TAF2: variants seen among roughly 807,000 people sequenced by gnomAD.
TAF2 encodes transcription initiation factor TFIID subunit 2.
Under a neutral mutation model 138.5 loss-of-function variants are expected in TAF2, and 61 were observed. That is an observed-to-expected ratio of 0.44 (90% CI 0.36 to 0.54). TAF2 has a LOEUF of 0.54. TAF2 is among the 20% of genes least tolerant of loss of function. The pLI is 0.00. For synonymous variants in TAF2, 475 were observed against 469.9 expected, an observed-to-expected ratio of 1.01 and a Z score of -0.14; for missense variants, 1,090 against 1,427.9, an observed-to-expected ratio of 0.76 and a Z score of 3.81.
At chr8:119,788,196 C>T (rs1823160574) in intron 14 of TAF2, 142 bp downstream of exon 14, 1 of 696,488 alleles carries the variant, frequency 1.4e-6, no homozygotes, top group Admixed American at 2.2e-5. Context: ...ATGTAACAAA[C>T]CTGCATGTTC....
intron 17 of TAF2, 115 bp downstream of exon 17, chr8:119,780,934 CAAAA>C (rs374156089): frequency 3.2e-3 from 2,265 of 714,110 alleles, no homozygotes; most frequent in East Asian, 4.2e-3. Flanking sequence ...GACTCTGTCT[CAAAA>C]AAAAAAAAAA....
intron 18 of TAF2, among the ~76,000 whole-genome samples, chr8:119,775,277 C>G (rs1822144460): frequency 1.1e-5 from 1 of 87,870 alleles, no homozygotes; most frequent in South Asian, 2.9e-4. Flanking sequence ...AAGATTCCAT[C>G]TCAAAAAAAA....
chr8:119,790,116 A>C (rs928639558), intron 11 of TAF2, among the ~76,000 whole-genome samples: 3 of 152,120 alleles, frequency 2.0e-5, no homozygotes, highest in Non-Finnish European at 4.4e-5. Flanking sequence ...CTCTTTATGG[A>C]CCATCTCTCT....
chr8:119,763,596 G>A (rs1358136247), intron 18 of TAF2, among the ~76,000 whole-genome samples: 1 of 152,044 alleles, frequency 6.6e-6, no homozygotes, highest in Non-Finnish European at 1.5e-5. Flanking sequence ...CAGGTGTGGT[G>A]GCAGGCGCCT....
intron 18 of TAF2, among the ~76,000 whole-genome samples, chr8:119,765,135 TC>T (rs112989232): frequency 3.9e-5 from 6 of 152,204 alleles, no homozygotes; most frequent in African/African-American, 1.4e-4. Flanking sequence ...ATTAAATACT[TC>T]CTAAATAGTA....
At chr8:119,816,002 A>T (rs1338954584) in intron 3 of TAF2, among the ~76,000 whole-genome samples, 1 of 150,366 alleles carries the variant, frequency 6.7e-6, no homozygotes, top group Non-Finnish European at 1.5e-5. Flanking sequence ...TTTTCCTTAT[A>T]TTCCTCTACA....
At chr8:119,785,875 C>T (rs954281324) in intron 14 of TAF2, among the ~76,000 whole-genome samples, 3 of 152,084 alleles carry the variant, frequency 2.0e-5, no homozygotes, top group African/African-American at 7.2e-5. Context: ...TCTGTTATTA[C>T]AGAGAAAAAA....
chr8:119,794,089 T>C (rs1025808076), intron 9 of TAF2, among the ~76,000 whole-genome samples: 4 of 151,878 alleles, frequency 2.6e-5, no homozygotes, highest in African/African-American at 4.8e-5. Flanking sequence ...CGTGCCTGGT[T>C]AATTAAAAGA....
intron 18 of TAF2, among the ~76,000 whole-genome samples, chr8:119,776,599 G>C (rs1217670329): frequency 1.3e-5 from 2 of 151,738 alleles, no homozygotes; most frequent in Non-Finnish European, 2.9e-5. Context: ...TGAGGTAGGA[G>C]AATGGCGTAA....
chr8:119,829,541 G>GTA (rs1238385567), intron 2 of TAF2, among the ~76,000 whole-genome samples: 3 of 151,840 alleles, frequency 2.0e-5, no homozygotes, highest in African/African-American at 4.8e-5. Context: ...GAGTGTGTGT[G>GTA]TATATATATG....
intron 25 of TAF2, among the ~76,000 whole-genome samples, chr8:119,732,484 A>G (rs989158762): frequency 1.3e-5 from 2 of 152,178 alleles, no homozygotes; most frequent in Non-Finnish European, 1.5e-5. Flanking sequence ...TGAAAAAACA[A>G]TATTACACAC....
intron 25 of TAF2, among the ~76,000 whole-genome samples, chr8:119,737,957 T>C (rs180825103): frequency 1.6e-4 from 24 of 152,264 alleles, no homozygotes; most frequent in Admixed American, 5.9e-4. Flanking sequence ...AATATGTTAA[T>C]TGGCAGTAAC....
At chr8:119,760,054 C>T (rs959553604) in intron 20 of TAF2, among the ~76,000 whole-genome samples, 3 of 152,002 alleles carry the variant, frequency 2.0e-5, no homozygotes, top group Non-Finnish European at 4.4e-5. Context: ...TCTGTTGTTT[C>T]TTGGATTACA....
At chr8:119,817,738 ATT>A (rs1171512247) in intron 3 of TAF2, among the ~76,000 whole-genome samples, 1 of 152,204 alleles carries the variant, frequency 6.6e-6, no homozygotes, top group African/African-American at 2.4e-5. Context: ...ATCTTACCCT[ATT>A]ATCAAATGCA....
chr8:119,788,277 C>G, intron 14 of TAF2, 61 bp downstream of exon 14: 1 of 1,450,054 alleles, frequency 6.9e-7, no homozygotes, highest in Non-Finnish European at 9.7e-7. Context: ...TTTATTTTGG[C>G]ATTTTAGTCT....
rs1822368537 is a variant in TAF2, at chr8:119,777,893, T to G, written c.2364+126A>C. ...TCAAGGACTGTGGACAGTCATCAAG[T>G]ACGATGATTTTTATAGACTAAATAT... On this transcript the variant is annotated intron_variant, in intron 18 of 25. Coordinates refer to ENST00000378164, the MANE Select transcript of TAF2 (RefSeq NM_003184.4). 5.1e-6 allele frequency: 3 copies of G among 590,902 alleles called. No individual in the cohort carries two copies. The South Asian group carries it at 6.5e-5, about 13-fold the overall frequency. The allele number at this position is 590,902 out of a possible 1,614,324, so 36.6% of individuals were successfully genotyped here. A position where few individuals can be genotyped will look rare whatever the true frequency, so the allele number is the denominator to read the frequency against.
intron 23 of TAF2, 68 bp downstream of exon 23, chr8:119,746,636 GA>G: frequency 6.6e-7 from 1 of 1,520,854 alleles, no homozygotes; most frequent in East Asian, 2.3e-5. Flanking sequence ...TAGTTCACAG[GA>G]AACAATTCTC....
chr8:119,817,028 G>A (rs923797998), intron 3 of TAF2, among the ~76,000 whole-genome samples: 6 of 152,076 alleles, frequency 3.9e-5, no homozygotes, highest in Non-Finnish European at 8.8e-5. Context: ...AGATTCTAAA[G>A]CTAAGCAAAA....
At chr8:119,756,347 G>C (rs988625666) in intron 21 of TAF2, among the ~76,000 whole-genome samples, 11 of 152,006 alleles carry the variant, frequency 7.2e-5, no homozygotes, top group Non-Finnish European at 1.5e-4. Flanking sequence ...TTGGGTAAGA[G>C]AGTAATTAAA....
Sources: gnomAD v4.1 joint callset for allele counts (sites outside exome capture counted in the v4.1 genomes callset) on GRCh38, gnomAD v4.1.1 for gene constraint, MANE v1.5 for transcripts, NCBI Gene and HGNC (gene_info 2026-07-23, HGNC 2026-07-21) for gene names.